The following MIA2 variants were observed in gnomAD, a reference collection of about 807,000 sequenced individuals.
MIA2 encodes melanoma inhibitory activity protein 2.
A neutral mutation model predicts 167.8 loss-of-function variants in MIA2; 127 were observed. The observed-to-expected ratio is 0.76, with a 90% CI of 0.66 to 0.88. The LOEUF is 0.88. MIA2 is among the 40% of genes least tolerant of loss of function. MIA2 has a pLI of 0.00. For missense variants in MIA2, 1,690 were observed against 1,624.7 expected (o/e 1.04, Z -0.69); for synonymous variants, 552 against 541.9 (o/e 1.02, Z -0.26).
intron 6 of MIA2, among the ~76,000 whole-genome samples, chr14:39,272,375 T>C (rs1010346090): frequency 6.6e-6 from 1 of 151,530 alleles, no homozygotes; most frequent in Non-Finnish European, 1.5e-5. Flanking sequence ...AGAAAACTTA[T>C]TAGTAAAGGG....
chr14:39,317,732 A>G (rs1239407191), intron 21 of MIA2, among the ~76,000 whole-genome samples: 1 of 152,204 alleles, frequency 6.6e-6, no homozygotes, highest in Non-Finnish European at 1.5e-5. Context: ...GCCGAAGGTC[A>G]TGGACTAGAG....
chr14:39,358,556 A>C (rs886893420), intron 23 of MIA2, among the ~76,000 whole-genome samples: 4 of 152,170 alleles, frequency 2.6e-5, no homozygotes, highest in Non-Finnish European at 5.9e-5. Flanking sequence ...TCAACCCGTT[A>C]AAGTCATTCT....
intron 23 of MIA2, among the ~76,000 whole-genome samples, chr14:39,357,830 A>G (rs997060331): frequency 2.1e-4 from 32 of 152,220 alleles, no homozygotes; most frequent in African/African-American, 6.5e-4. Flanking sequence ...TTGGCTGGCT[A>G]TGAAATTCTG....
chr14:39,285,770 C>T lies in MIA2; in HGVS notation c.2131-5249C>T, dbSNP rs1406366449. On this transcript the variant is annotated intron_variant, in intron 9 of 28. Coordinates refer to ENST00000640607, the MANE Select transcript of MIA2 (RefSeq NM_001329214.4). ...GGGGCTCCTCACTTCTCAGACGGGG[C>T]GGCTGCCGGGCGGAGGGGCTCCTCA... is the stretch of plus-strand genomic sequence containing the variant. 4.0e-3 allele frequency among the ~76,000 whole-genome samples: 599 copies of T among 148,394 alleles called. 4 individuals carry two copies. The highest frequency in any genetic ancestry group is 0.014 in the African/African-American group (572 of 39,892).
chr14:39,378,578 T>C (rs1470603426), intron 23 of MIA2, among the ~76,000 whole-genome samples: 2 of 152,222 alleles, frequency 1.3e-5, no homozygotes, highest in Admixed American at 6.5e-5. Flanking sequence ...GACAAGGAAA[T>C]TTAGTTACTT....
At chr14:39,304,703 A>G (rs2063054259) in intron 17 of MIA2, among the ~76,000 whole-genome samples, 1 of 152,314 alleles carries the variant, frequency 6.6e-6, no homozygotes, top group South Asian at 2.1e-4. Flanking sequence ...TTGAAACTTA[A>G]TGTTTAAAGT....
chr14:39,263,571 T>G lies in MIA2; in HGVS notation c.1887+10400T>G, dbSNP rs556090292. 6.3e-3 allele frequency among the ~76,000 whole-genome samples: 953 copies of G among 151,360 alleles called. 11 individuals carry two copies. The highest frequency in any genetic ancestry group is 0.021 in the African/African-American group (880 of 41,238). ...TTTTCTTTCTTCTTTTCCTTTCCTT[T>G]CCTTTCCTTTCCTCTTATTTTCTCT... is the stretch of plus-strand genomic sequence containing the variant. On this transcript the variant is annotated intron_variant, in intron 6 of 28. Coordinates refer to ENST00000640607, the MANE Select transcript of MIA2 (RefSeq NM_001329214.4).
chr14:39,383,528 C>T (rs181647012), intron 23 of MIA2, among the ~76,000 whole-genome samples: 4 of 152,274 alleles, frequency 2.6e-5, no homozygotes, highest in Middle Eastern at 3.4e-3. Context: ...GTGACCTCTA[C>T]GTGTTCAGGT....
chr14:39,277,455 A>G (rs182447370), intron 7 of MIA2, among the ~76,000 whole-genome samples: 23 of 151,480 alleles, frequency 1.5e-4, no homozygotes, highest in African/African-American at 5.1e-4. Context: ...GATCCTGGGA[A>G]GTCGATGCTG....
intron 19 of MIA2, 37 bp from the exon 20 acceptor site, chr14:39,314,701 TA>T: frequency 6.5e-7 from 1 of 1,535,234 alleles, no homozygotes; most frequent in Non-Finnish European, 8.9e-7. Flanking sequence ...CATTTCATGT[TA>T]TATGTTAATA....
At chr14:39,288,457 A>ATTTTTTTTTTT (rs1566747630) in intron 9 of MIA2, among the ~76,000 whole-genome samples, 1 of 16,586 alleles carries the variant, frequency 6.0e-5, no homozygotes, top group African/African-American at 1.5e-4. Context: ...ATATATATAT[A>ATTTTTTTTTTT]TATATATATA....
rs1454571610 is a variant in MIA2 at position 39,239,364 on chromosome 14, AG to A, written c.250-1196del. On this transcript the variant is annotated intron_variant, in intron 2 of 28. Transcript: ENST00000640607. ...AGTTCGAGACTAGCCTGGGCAGCAT[AG>A]CAAGAATACACACACACACACACAC... 4.1e-4 allele frequency among the ~76,000 whole-genome samples: 61 copies of A among 148,824 alleles called. 1 individual carries two copies. Among genetic ancestry groups the A allele is most frequent in the Non-Finnish European group, 4.1e-4 (28 of 67,900 alleles).
At chr14:39,250,822 A>T (rs1180749254) in intron 4 of MIA2, among the ~76,000 whole-genome samples, 2 of 151,400 alleles carry the variant, frequency 1.3e-5, no homozygotes, top group East Asian at 3.8e-4. Flanking sequence ...CTGCAATTTT[A>T]ACTAGTTTTG....
intron 6 of MIA2, among the ~76,000 whole-genome samples, chr14:39,261,726 T>C (rs1405090247): frequency 6.6e-6 from 1 of 152,206 alleles, no homozygotes; most frequent in Non-Finnish European, 1.5e-5. Context: ...TGATTTGCAT[T>C]TCTCTGATGG....
At chr14:39,299,100 AAT>A (rs1311838775) in intron 13 of MIA2, among the ~76,000 whole-genome samples, 40 of 147,986 alleles carry the variant, frequency 2.7e-4, no homozygotes, top group Middle Eastern at 3.5e-3. Flanking sequence ...AAAAAAAAGA[AAT>A]AATTCCTTTC....
intron 25 of MIA2, among the ~76,000 whole-genome samples, chr14:39,335,449 A>G (rs909785387): frequency 6.6e-6 from 1 of 152,218 alleles, no homozygotes; most frequent in Non-Finnish European, 1.5e-5. Flanking sequence ...ATGATTTTAA[A>G]TAGTTCCATA....
At chr14:39,325,804 C>T (rs886128044) in intron 24 of MIA2, among the ~76,000 whole-genome samples, 2 of 152,006 alleles carry the variant, frequency 1.3e-5, no homozygotes, top group Admixed American at 1.3e-4. Context: ...ACCTCCACCT[C>T]CTGAGTTCAA....
rs369108063 is a variant in MIA2, at chr14:39,294,079, G to C, written c.2391+8G>C. ...AAATCACAAGTAGCTGAAGTAAGTT[G>C]AATTAGTCTAGTAGGTCTGTTGCTT... On this transcript the variant is annotated splice_region_variant and intron_variant, in intron 12 of 28. Transcript: ENST00000640607. The C allele has an allele frequency of 1.3e-6, 2 of 1,588,172 alleles. No individual in the cohort carries two copies. The highest frequency in any genetic ancestry group is 2.2e-5 in the South Asian group (2 of 89,628).
intron 25 of MIA2, among the ~76,000 whole-genome samples, chr14:39,339,329 C>T (rs2071247429): frequency 6.6e-6 from 1 of 152,080 alleles, no homozygotes; most frequent in Non-Finnish European, 1.5e-5. Flanking sequence ...TTATTTATTT[C>T]CCTGTCTTAT....
Sources: gnomAD v4.1 joint callset for allele counts (sites outside exome capture counted in the v4.1 genomes callset) on GRCh38, gnomAD v4.1.1 for gene constraint, MANE v1.5 for transcripts, NCBI Gene and HGNC (gene_info 2026-07-23, HGNC 2026-07-21) for gene names.